Variants in PCDHGB3 observed in about 807,000 individuals in gnomAD.
PCDHGB3 encodes the protein protocadherin gamma subfamily B, 3, also known as protocadherin gamma-B3.
A neutral mutation model predicts 59.2 loss-of-function variants in PCDHGB3; 40 were observed. That is an observed-to-expected ratio of 0.68 (90% CI 0.52 to 0.88). The LOEUF is 0.88. Among genes scored for constraint, PCDHGB3 ranks in the 40% least tolerant of loss-of-function variants. The pLI, the probability that PCDHGB3 is intolerant of heterozygous loss-of-function variation, is 0.00. For synonymous variants in PCDHGB3, 581 were observed against 503.6 expected, an observed-to-expected ratio of 1.15 and a Z score of -2.06; for missense variants, 1,309 against 1,187.9, an observed-to-expected ratio of 1.10 and a Z score of -1.50.
Position 141,432,479 on chromosome 5 carries a change from G to A in PCDHGB3, c.2415+59670G>A, listed in dbSNP as rs771261875. ...CGCCCTCCCCACGGACGGTTCCACT[G>A]GCGTGGAGCTGGCTCCCCGCTCCGC... On this transcript the variant is annotated intron_variant, in intron 1 of 3. Transcript: ENST00000576222. The surrounding 1 kb of genome is among the most constrained non-coding windows in gnomAD (Gnocchi z 6.0). The A allele has an allele frequency of 3.8e-5, 62 of 1,614,076 alleles. No individual in the cohort carries two copies. Among genetic ancestry groups the A allele is most frequent in the Non-Finnish European group, 4.9e-5 (58 of 1,180,052 alleles).
Position 141,372,427 on chromosome 5 carries a change from G to A in PCDHGB3, c.2033G>A (p.Arg678His). The change falls in exon 1 of 4, where the codon CGC becomes CAC. Residue 678 changes from arginine to histidine, a missense_variant. Arg to His is a conservative substitution (Grantham distance 29, BLOSUM62 0). Coordinates refer to ENST00000576222, the MANE Select transcript of PCDHGB3 (RefSeq NM_018924.5). ...LQEIQPDLSD[R>H]PTPSDPQAEL... ...GAGATACAACCTGACCTTAGCGACC[G>A]CCCCACTCCCTCTGACCCTCAGGCG... 6.2e-7 allele frequency: 1 copy of A among 1,613,990 alleles called. No homozygotes were observed. The highest frequency in any genetic ancestry group is 8.5e-7 in the Non-Finnish European group (1 of 1,179,882).
intron 1 of PCDHGB3, among the ~76,000 whole-genome samples, chr5:141,466,826 G>A (rs978548667): frequency 1.2e-4 from 18 of 152,056 alleles, no homozygotes; most frequent in Admixed American, 8.5e-4. Flanking sequence ...TAACAAGTTA[G>A]TATGGGTTTA....
chr5:141,431,932 C>T lies in PCDHGB3; in HGVS notation c.2415+59123C>T. 2 of 1,614,172 alleles carry T rather than the reference C, an allele frequency of 1.2e-6. No individual in the cohort carries two copies. The highest frequency in any genetic ancestry group is 1.7e-6 in the Non-Finnish European group (2 of 1,180,002). On this transcript the variant is annotated intron_variant, in intron 1 of 3. Coordinates refer to ENST00000576222, the MANE Select transcript of PCDHGB3 (RefSeq NM_018924.5). This position sits in a 1 kb window ranked among gnomAD's most constrained non-coding sequence, Gnocchi z 4.8. The stretch of plus-strand genomic sequence containing the variant: ...TCTGTTTCATCCAAGGAAATCTGCC[C>T]TTTAAATTAGAAAAATCTTACGGAA...
intron 1 of PCDHGB3, chr5:141,428,653 T>A (rs952656382): frequency 1.8e-5 from 3 of 167,524 alleles, no homozygotes; most frequent in Admixed American, 1.1e-4. Flanking sequence ...TCACGTGAGT[T>A]CCAATGAATG....
chr5:141,407,971 G>A, intron 1 of PCDHGB3: 2 of 717,762 alleles, frequency 2.8e-6, no homozygotes, highest in South Asian at 2.3e-5. Flanking sequence ...AAGCGCTGAC[G>A]CCGGGGATCC....
chr5:141,501,447 A>G (rs1483189279), intron 2 of PCDHGB3, among the ~76,000 whole-genome samples: 1 of 151,816 alleles, frequency 6.6e-6, no homozygotes, highest in Middle Eastern at 3.2e-3. Flanking sequence ...TTCCATTTTT[A>G]CTTTTCACTA....
intron 1 of PCDHGB3, chr5:141,433,023 A>C: frequency 6.2e-7 from 1 of 1,614,084 alleles, no homozygotes; most frequent in East Asian, 2.2e-5. Context: ...ACCTATTCCC[A>C]CGAGGTTTCC....
At chr5:141,447,230 C>G (rs1309076828) in intron 1 of PCDHGB3, among the ~76,000 whole-genome samples, 1 of 152,132 alleles carries the variant, frequency 6.6e-6, no homozygotes, top group Non-Finnish European at 1.5e-5. Flanking sequence ...ACCTCCGCCT[C>G]CCGGGTTCAA....
At position 141,399,438 on chromosome 5, in the gene PCDHGB3, T is replaced by G; in HGVS notation, c.2415+26629T>G. 3 of 1,613,996 alleles carry G rather than the reference T, an allele frequency of 1.9e-6. No individual in the cohort carries two copies. The South Asian group carries it at 3.3e-5, about 18-fold the overall frequency. On this transcript the variant is annotated intron_variant, in intron 1 of 3. Transcript: ENST00000576222. The stretch of plus-strand genomic sequence containing the variant: ...CCTCCAGCATAAGCGTCATCCTACA[T>G]ATCAGAGACGTCAACGATAACGCTC...
chr5:141,433,208 C>CA, intron 1 of PCDHGB3: 1 of 1,293,080 alleles, frequency 7.7e-7, no homozygotes, highest in Non-Finnish European at 1.1e-6. Context: ...AATCTTCTTT[C>CA]TTTTTTTTTT....
chr5:141,384,598 C>T lies in PCDHGB3; in HGVS notation c.2415+11789C>T, dbSNP rs1451402043. On this transcript the variant is annotated intron_variant, in intron 1 of 3. Transcript: ENST00000576222. ...CCCGCCCGAGATCCTGTACCCGGCCCTCCCCACAGATGGTTCTACTGGCAT... is the reference window on the plus strand; with the variant it reads ...CCCGCCCGAGATCCTGTACCCGGCCTTCCCCACAGATGGTTCTACTGGCAT... 2.5e-6 allele frequency: 4 copies of T among 1,614,138 alleles called. No individual in the cohort carries two copies. The African/African-American group carries it at 5.3e-5, about 22-fold the overall frequency.
At chr5:141,374,343 C>T in intron 1 of PCDHGB3, 2 of 1,613,990 alleles carry the variant, frequency 1.2e-6, no homozygotes, top group Non-Finnish European at 1.7e-6. Context: ...TTGGTCACCG[C>T]GGGTAGGATA....
At chr5:141,435,821 T>C (rs571444304) in intron 1 of PCDHGB3, among the ~76,000 whole-genome samples, 72 of 152,240 alleles carry the variant, frequency 4.7e-4, no homozygotes, top group African/African-American at 1.6e-3. Context: ...CTTTCTTCTT[T>C]GTTTGCTGCC....
intron 1 of PCDHGB3, chr5:141,410,252 C>T (rs3749768): frequency 0.048 from 77,060 of 1,613,996 alleles, 2,017 homozygotes; most frequent in South Asian, 0.077. Flanking sequence ...ACTCTCTGAC[C>T]CCCAGGCTGA....
intron 1 of PCDHGB3, among the ~76,000 whole-genome samples, chr5:141,454,859 G>A (rs2098805080): frequency 7.9e-6 from 1 of 126,982 alleles, no homozygotes; most frequent in African/African-American, 3.1e-5. Flanking sequence ...CCAGGCTGGA[G>A]TGCAGTGGCA....
chr5:141,481,691 C>G (rs929210528), intron 1 of PCDHGB3, among the ~76,000 whole-genome samples: 3 of 152,080 alleles, frequency 2.0e-5, no homozygotes, highest in African/African-American at 4.8e-5. Context: ...TGGTGGCTCA[C>G]GCCTGTAATC....
At chr5:141,392,238 A>G (rs1412628236) in intron 1 of PCDHGB3, 1 of 152,214 alleles carries the variant, frequency 6.6e-6, no homozygotes, top group Admixed American at 6.5e-5. Context: ...GTTCTTAGTT[A>G]TTTGTTAGTA....
rs934366037 is a variant in PCDHGB3, at chr5:141,408,906, C to T, written c.2415+36097C>T. On this transcript the variant is annotated intron_variant, in intron 1 of 3. Transcript: ENST00000576222. Reference sequence around the variant, plus strand: ...CACATAGAAATTTCTGTCAAGGATACCAATGATAACCCCCCGGTTTTCAGC... The same window carrying T: ...CACATAGAAATTTCTGTCAAGGATATCAATGATAACCCCCCGGTTTTCAGC... 2.5e-6 allele frequency: 4 copies of T among 1,613,136 alleles called. No homozygotes were observed. The African/African-American group carries it at 4.0e-5, about 16-fold the overall frequency.
chr5:141,418,036 G>T, intron 1 of PCDHGB3: 1 of 1,614,020 alleles, frequency 6.2e-7, no homozygotes, highest in Non-Finnish European at 8.5e-7. Context: ...TTAGTGTCCT[G>T]GATGTGTCGG....
Sources: allele counts gnomAD v4.1 joint callset (sites outside exome capture counted in the v4.1 genomes callset), GRCh38; gene constraint gnomAD v4.1.1; non-coding constraint Gnocchi (gnomAD v3.1); transcripts MANE v1.5; gene names NCBI Gene and HGNC (gene_info 2026-07-23, HGNC 2026-07-21).